Variants in NSD3 observed in about 807,000 individuals in gnomAD.
The protein encoded by NSD3 is nuclear receptor binding SET domain protein 3.
A neutral mutation model predicts 160.8 loss-of-function variants in NSD3; 24 were observed. The observed-to-expected ratio is 0.15, with a 90% CI of 0.11 to 0.21. The LOEUF is 0.21. NSD3 is among the 10% of genes least tolerant of loss of function. The pLI, the probability that NSD3 is intolerant of heterozygous loss-of-function variation, is 1.00. For missense variants in NSD3, 1,157 were observed against 1,735.9 expected, an observed-to-expected ratio of 0.67 and a Z score of 5.93; for synonymous variants, 520 against 600.0, an observed-to-expected ratio of 0.87 and a Z score of 1.95.
chr8:38,293,987 A>G (rs940516635), intron 16 of NSD3, among the ~76,000 whole-genome samples: 2 of 151,970 alleles, frequency 1.3e-5, no homozygotes, highest in African/African-American at 4.8e-5. Flanking sequence ...TTCTAACTGA[A>G]AAGCAGAACT....
chr8:38,316,459 T>C lies in NSD3; in HGVS notation c.1856-417A>G, dbSNP rs760808286. The C allele has an allele frequency of 2.4e-4, 250 of 1,043,736 alleles. No individual in the cohort carries two copies. Among genetic ancestry groups the C allele is most frequent in the Non-Finnish European group, 2.9e-4 (247 of 865,448 alleles). The allele number at this position is 1,043,736 out of a possible 1,614,324, so 64.7% of individuals were successfully genotyped here. A position where few individuals can be genotyped will look rare whatever the true frequency, so the allele number is the denominator to read the frequency against. ...TGCAGAGACATCTCCATCTTGTTTT[T>C]ATTAGGGATGTGACAAATCTTTGAT... On this transcript the variant is annotated intron_variant, in intron 9 of 23. Coordinates refer to ENST00000317025, the MANE Select transcript of NSD3 (RefSeq NM_023034.2). This position sits in a 1 kb window ranked among gnomAD's most constrained non-coding sequence, Gnocchi z 4.5.
At position 38,319,035 on chromosome 8, in the gene NSD3, A is replaced by T; in HGVS notation, c.1810-95T>A. On this transcript the variant is annotated intron_variant, in intron 8 of 23. Coordinates refer to ENST00000317025, the MANE Select transcript of NSD3 (RefSeq NM_023034.2). The surrounding 1 kb of genome is among the most constrained non-coding windows in gnomAD (Gnocchi z 4.1). ...GATACTTTCATCAATCTAAGCAATGATGAGTGATTAATGTATCTGAAATCT... is the reference window on the plus strand; with the variant it reads ...GATACTTTCATCAATCTAAGCAATGTTGAGTGATTAATGTATCTGAAATCT... 1.8e-6 allele frequency: 2 copies of T among 1,086,078 alleles called. No homozygotes were observed. Among genetic ancestry groups the T allele is most frequent in the Non-Finnish European group, 2.7e-6 (2 of 734,620 alleles). 67.3% of individuals were successfully genotyped at this position (1,086,078 alleles called of 1,614,324 possible). A position where few individuals can be genotyped will look rare whatever the true frequency, so the allele number is the denominator to read the frequency against.
chr8:38,300,832 T>C (rs1378504544), intron 14 of NSD3, among the ~76,000 whole-genome samples: 1 of 152,164 alleles, frequency 6.6e-6, no homozygotes, highest in South Asian at 2.1e-4. Context: ...TAAGAGATCA[T>C]TTTGAAGGGG....
At chr8:38,374,728 G>C (rs188161961) in intron 1 of NSD3, among the ~76,000 whole-genome samples, 89 of 152,276 alleles carry the variant, frequency 5.8e-4, no homozygotes, top group Non-Finnish European at 8.8e-4. Context: ...TTCTTGCCTG[G>C]GCGCAGTGGC....
At chr8:38,375,630 T>G (rs1350742951) in intron 1 of NSD3, among the ~76,000 whole-genome samples, 1 of 152,000 alleles carries the variant, frequency 6.6e-6, no homozygotes, top group Non-Finnish European at 1.5e-5. Context: ...TTTCTTACAT[T>G]TGTCCTTGTT....
rs573128744 is a variant in NSD3 at position 38,317,862 on chromosome 8, G to A, written c.1855+1033C>T. The A allele has an allele frequency of 9.6e-6, 15 of 1,559,998 alleles. No homozygotes were observed. Among genetic ancestry groups the A allele is most frequent in the African/African-American group, 5.5e-5 (4 of 72,870 alleles). On this transcript the variant is annotated intron_variant, in intron 9 of 23. Transcript: ENST00000317025. The surrounding 1 kb of genome is among the most constrained non-coding windows in gnomAD (Gnocchi z 5.3). Reference sequence around the variant, plus strand: ...AATGATGATTGGCGAAATCAAAATCGAAAACAAAGAAACTGTTTATCAAGC... The same window carrying A: ...AATGATGATTGGCGAAATCAAAATCAAAAACAAAGAAACTGTTTATCAAGC...
At chr8:38,301,765 A>G (rs1316329195) in intron 14 of NSD3, among the ~76,000 whole-genome samples, 1 of 152,248 alleles carries the variant, frequency 6.6e-6, no homozygotes, top group Non-Finnish European at 1.5e-5. Flanking sequence ...TCACCTGTAT[A>G]CTATGGAGAG....
At position 38,314,793 on chromosome 8, in the gene NSD3, A is replaced by G. The variant is rs1809616840; in HGVS notation, c.2116-20T>C. The G allele has an allele frequency of 6.2e-7, 1 of 1,610,380 alleles. No homozygotes were observed. Among genetic ancestry groups the G allele is most frequent in the South Asian group, 1.1e-5 (1 of 90,690 alleles). On this transcript the variant is annotated intron_variant, in intron 11 of 23. Transcript: ENST00000317025. ...ACAAATCTGTAATATGGCAAAAAGCAGTGGTTCTCAAACTTTGGCAAACAT... is the reference window on the plus strand; with the variant it reads ...ACAAATCTGTAATATGGCAAAAAGCGGTGGTTCTCAAACTTTGGCAAACAT...
At position 38,348,230 on chromosome 8, in the gene NSD3, G is replaced by A; in HGVS notation, c.-44-15C>T. 6.6e-7 allele frequency: 1 copy of A among 1,504,612 alleles called. No homozygotes were observed. The highest frequency in any genetic ancestry group is 8.9e-7 in the Non-Finnish European group (1 of 1,129,250). The allele number at this position is 1,504,612 out of a possible 1,614,324, so 93.2% of individuals were successfully genotyped here. A position where few individuals can be genotyped will look rare whatever the true frequency, so the allele number is the denominator to read the frequency against. ...TCTCATCGGGCCTAAAATTATAAAA[G>A]AGGGGATTAGAAGGTGTTACTATTC... On this transcript the variant is annotated splice_polypyrimidine_tract_variant and intron_variant, in intron 1 of 23. Transcript: ENST00000317025.
chr8:38,284,183 T>C (rs1808802112), intron 19 of NSD3, among the ~76,000 whole-genome samples: 1 of 152,252 alleles, frequency 6.6e-6, no homozygotes, highest in Non-Finnish European at 1.5e-5. Context: ...CTTCCAGTCC[T>C]TTCTCACAAA....
At chr8:38,309,635 G>A (rs1809487999) in intron 12 of NSD3, among the ~76,000 whole-genome samples, 1 of 151,916 alleles carries the variant, frequency 6.6e-6, no homozygotes, top group Non-Finnish European at 1.5e-5. Context: ...CCTGGGCAAT[G>A]GGACCAAAAA....
At chr8:38,309,663 G>A (rs1001639277) in intron 12 of NSD3, among the ~76,000 whole-genome samples, 5 of 151,984 alleles carry the variant, frequency 3.3e-5, no homozygotes, top group Non-Finnish European at 7.4e-5. Flanking sequence ...TCAGTCCATC[G>A]GTCCAGAGTC....
chr8:38,331,950 C>T (rs1192152272), intron 4 of NSD3, among the ~76,000 whole-genome samples: 7 of 152,242 alleles, frequency 4.6e-5, no homozygotes, highest in African/African-American at 4.8e-5. Context: ...TTGTTAGAGA[C>T]ATGGTCTCAC....
At chr8:38,377,185 C>CG (rs1477150969) in intron 1 of NSD3, among the ~76,000 whole-genome samples, 2 of 151,940 alleles carry the variant, frequency 1.3e-5, no homozygotes, top group African/African-American at 4.8e-5. Flanking sequence ...CCGGAGTAGC[C>CG]GGGATTACAG....
intron 16 of NSD3, 142 bp from the exon 17 acceptor site, chr8:38,290,819 T>A: frequency 1.4e-6 from 1 of 696,018 alleles, no homozygotes; most frequent in Non-Finnish European, 2.4e-6. Context: ...CACACATCAT[T>A]ATAAAAAGTA....
chr8:38,282,617 G>A (rs1808755879), intron 19 of NSD3, among the ~76,000 whole-genome samples: 1 of 152,176 alleles, frequency 6.6e-6, no homozygotes, highest in Non-Finnish European at 1.5e-5. Flanking sequence ...GCTGCAGAGG[G>A]CCGAGATCGC....
Position 38,304,736 on chromosome 8 carries a change from C to A in NSD3, c.2462G>T (p.Arg821Ile). The change falls in exon 14 of 24, where the codon AGA becomes ATA. Residue 821 changes from arginine to isoleucine, a missense_variant. Around this residue, in one of 10 missense-constraint regions of NSD3, gnomAD observed 437 missense variants for 576.6 expected, o/e 0.76. Coordinates refer to ENST00000317025, the MANE Select transcript of NSD3 (RefSeq NM_023034.2). ...ASKGRMMRCLRCPVAYHSGDA... is the reference protein window; with the variant it reads ...ASKGRMMRCLICPVAYHSGDA... The stretch of plus-strand genomic sequence containing the variant: ...TCCAGAGTGATAGGCAACTGGACAT[C>A]TTAAACATCTCATCATGCGGCCTGT... The A allele has an allele frequency of 1.2e-6, 2 of 1,610,810 alleles. No homozygotes were observed. The highest frequency in any genetic ancestry group is 1.7e-6 in the Non-Finnish European group (2 of 1,178,916).
intron 2 of NSD3, among the ~76,000 whole-genome samples, chr8:38,344,827 C>T (rs1810473486): frequency 1.3e-5 from 2 of 152,146 alleles, no homozygotes; most frequent in Non-Finnish European, 2.9e-5. Flanking sequence ...GCTTCCTTTT[C>T]ACTTCTCAGT....
intron 2 of NSD3, among the ~76,000 whole-genome samples, chr8:38,343,065 G>A (rs988755977): frequency 1.3e-5 from 2 of 151,556 alleles, no homozygotes; most frequent in Non-Finnish European, 2.9e-5. Context: ...GTGTGGTGAC[G>A]CACACCTGTA....
Sources: gnomAD v4.1 joint callset for allele counts (sites outside exome capture counted in the v4.1 genomes callset) on GRCh38, gnomAD v4.1.1 for gene constraint, gnomAD v4.1.1 regional missense constraint, Gnocchi (gnomAD v3.1) non-coding constraint, MANE v1.5 for transcripts, NCBI Gene and HGNC (gene_info 2026-07-23, HGNC 2026-07-21) for gene names.